GPM6A: variants seen among roughly 807,000 people sequenced by gnomAD.
The protein encoded by GPM6A is glycoprotein M6A.
GPM6A carries 7 observed loss-of-function variants against 32.1 expected under a neutral mutation model. The observed-to-expected ratio is 0.22, with a 90% CI of 0.12 to 0.41. The LOEUF (loss-of-function observed/expected upper bound fraction) is 0.41. Ranked by LOEUF, GPM6A falls within the 10% of genes least tolerant of loss-of-function variation. The pLI, the probability that GPM6A is intolerant of heterozygous loss-of-function variation, is 1.00. For missense variants in GPM6A, 235 were observed against 347.2 expected, an observed-to-expected ratio of 0.68 and a Z score of 2.57; for synonymous variants, 130 against 123.4, an observed-to-expected ratio of 1.05 and a Z score of -0.35.
chr4:175,831,311 C>T (rs948062916), intron 1 of GPM6A, among the ~76,000 whole-genome samples: 3 of 152,040 alleles, frequency 2.0e-5, no homozygotes, highest in Non-Finnish European at 4.4e-5. Flanking sequence ...TTGAAAGTAC[C>T]TTTGAATGGC....
At chr4:175,898,201 G>C (rs1391224203) in intron 1 of GPM6A, among the ~76,000 whole-genome samples, 1 of 152,072 alleles carries the variant, frequency 6.6e-6, no homozygotes, top group African/African-American at 2.4e-5. Flanking sequence ...ATTTTAAAAT[G>C]ATCTATGTAA....
intron 1 of GPM6A, among the ~76,000 whole-genome samples, chr4:175,961,709 G>C (rs1445210807): frequency 6.6e-6 from 1 of 152,174 alleles, no homozygotes; most frequent in Non-Finnish European, 1.5e-5. Context: ...AGTGGGTGGA[G>C]AGTGAGAGAG....
At chr4:175,904,270 G>A (rs927827917) in intron 1 of GPM6A, among the ~76,000 whole-genome samples, 8 of 152,140 alleles carry the variant, frequency 5.3e-5, no homozygotes, top group East Asian at 1.9e-4. Context: ...ACAGGCAACC[G>A]ATATTATTAG....
intron 2 of GPM6A, among the ~76,000 whole-genome samples, chr4:175,689,124 T>C (rs1175699190): frequency 3.3e-5 from 5 of 152,216 alleles, no homozygotes; most frequent in Non-Finnish European, 5.9e-5. Flanking sequence ...CAATTTATAA[T>C]GTTTTGCAGT....
chr4:175,851,865 C>T (rs1412283803), intron 1 of GPM6A, among the ~76,000 whole-genome samples: 1 of 152,080 alleles, frequency 6.6e-6, no homozygotes, highest in African/African-American at 2.4e-5. Flanking sequence ...ACTTAGTTTC[C>T]AGTAAAACCT....
At chr4:175,786,633 C>A (rs372430453) in intron 1 of GPM6A, among the ~76,000 whole-genome samples, 3 of 152,064 alleles carry the variant, frequency 2.0e-5, no homozygotes, top group African/African-American at 7.2e-5. Flanking sequence ...TGAGTCTAGA[C>A]GTTCCCTTCT....
At chr4:175,873,624 T>G (rs1560974213) in intron 1 of GPM6A, among the ~76,000 whole-genome samples, 2 of 152,126 alleles carry the variant, frequency 1.3e-5, no homozygotes, top group African/African-American at 4.8e-5. Context: ...TAATTTTACT[T>G]TTTCCAAAAA....
intron 1 of GPM6A, among the ~76,000 whole-genome samples, chr4:175,727,715 C>T (rs114870801): frequency 3.3e-5 from 5 of 152,172 alleles, no homozygotes; most frequent in East Asian, 3.9e-4. Context: ...TAAAAACTTA[C>T]GGCGTGGGCT....
At chr4:175,743,218 T>C (rs892439570) in intron 1 of GPM6A, among the ~76,000 whole-genome samples, 12 of 151,850 alleles carry the variant, frequency 7.9e-5, no homozygotes, top group African/African-American at 1.2e-4. Flanking sequence ...TGGTTCAAAA[T>C]ATAAGTACAA....
intron 3 of GPM6A, chr4:175,654,350 T>C (rs1291374849): frequency 6.6e-6 from 1 of 152,192 alleles, no homozygotes; most frequent in African/African-American, 2.4e-5. Context: ...TTTCTGTTTC[T>C]GTAAAATGGA....
intron 1 of GPM6A, among the ~76,000 whole-genome samples, chr4:175,932,199 C>G (rs1280356368): frequency 6.6e-6 from 1 of 151,846 alleles, no homozygotes; most frequent in Non-Finnish European, 1.5e-5. Flanking sequence ...TTCCAAAATG[C>G]AGGTGTTGCC....
chr4:175,936,395 T>C (rs886065917), intron 1 of GPM6A, among the ~76,000 whole-genome samples: 3 of 139,694 alleles, frequency 2.1e-5, no homozygotes, highest in East Asian at 1.9e-4. Context: ...CTTTCCTTCA[T>C]TGCACTTTCC....
rs1740394101 is a variant in GPM6A, at chr4:175,633,062, C to T, written c.*1843G>A. On this transcript the variant is annotated 3_prime_UTR_variant, in exon 7 of 7. Coordinates refer to ENST00000393658, the MANE Select transcript of GPM6A (RefSeq NM_201591.3). ...TGTACAAAACAGATTAATTGTAATG[C>T]CTGCTACAAAGCACTCTGTGAAAAT... 1 of 152,404 alleles carries T rather than the reference C, an allele frequency of 6.6e-6. No individual in the cohort carries two copies. The highest frequency in any genetic ancestry group is 2.4e-5 in the African/African-American group (1 of 41,420). The allele number at this position is 152,404 out of a possible 1,614,324, so 9.4% of individuals were successfully genotyped here. A position where few individuals can be genotyped will look rare whatever the true frequency, so the allele number is the denominator to read the frequency against.
At chr4:175,997,929 T>C (rs1236388715) in intron 1 of GPM6A, among the ~76,000 whole-genome samples, 1 of 149,738 alleles carries the variant, frequency 6.7e-6, no homozygotes, top group African/African-American at 2.6e-5. Flanking sequence ...GGCATCCTTC[T>C]TCAATCAAAC....
chr4:175,874,273 A>G (rs1461768685), intron 1 of GPM6A, among the ~76,000 whole-genome samples: 2 of 152,216 alleles, frequency 1.3e-5, no homozygotes, highest in Non-Finnish European at 2.9e-5. Context: ...TTTGTTAGAG[A>G]AAGAAAAAGT....
At chr4:175,964,131 AG>A (rs1740257251) in intron 1 of GPM6A, among the ~76,000 whole-genome samples, 1 of 152,090 alleles carries the variant, frequency 6.6e-6, no homozygotes, top group Non-Finnish European at 1.5e-5. Flanking sequence ...AACAAAGAGC[AG>A]GGGCAACAAG....
chr4:175,742,104 A>G (rs961793419), intron 1 of GPM6A, among the ~76,000 whole-genome samples: 20 of 152,116 alleles, frequency 1.3e-4, no homozygotes, highest in Admixed American at 7.9e-4. Context: ...AATATTTGGG[A>G]AAAAAATATT....
intron 1 of GPM6A, among the ~76,000 whole-genome samples, chr4:175,892,384 C>T (rs1462094605): frequency 6.6e-6 from 1 of 152,148 alleles, no homozygotes; most frequent in African/African-American, 2.4e-5. Flanking sequence ...TTTCTTCTCT[C>T]TCAAATGTCC....
Position 175,931,897 on chromosome 4 carries a change from C to A in GPM6A, c.-23+70412G>T, listed in dbSNP as rs1739059550. On this transcript the variant is annotated intron_variant, in intron 1 of 7. Coordinates refer to the GPM6A transcript ENST00000280187. ...GCTGGGAGTTCAGGACCAGTCTGGG[C>A]AACATAACAAGACCTCAGCTACAAA... Among the ~76,000 whole-genome samples, 8 of 151,754 alleles carry A rather than the reference C, an allele frequency of 5.3e-5. No individual in the cohort carries two copies. In the South Asian group the frequency reaches 1.7e-3, roughly 32 times the overall value.
Sources: allele counts gnomAD v4.1 joint callset (sites outside exome capture counted in the v4.1 genomes callset), GRCh38; gene constraint gnomAD v4.1.1; transcripts MANE v1.5; gene names NCBI Gene and HGNC (gene_info 2026-07-23, HGNC 2026-07-21).